Variants in ATG7 observed in about 807,000 individuals in gnomAD.
The protein encoded by ATG7 is ubiquitin-like modifier-activating enzyme ATG7.
ATG7 carries 70 observed loss-of-function variants against 82.4 expected under a neutral mutation model. The ratio of observed to expected loss-of-function variants is 0.85; its 90% confidence interval spans 0.70 to 1.04. ATG7 has a LOEUF of 1.04. Among genes scored for constraint, ATG7 ranks in the 50% least tolerant of loss-of-function variants. The pLI is 0.00. For synonymous variants in ATG7, 287 were observed against 313.0 expected (o/e 0.92, Z 0.88); for missense variants, 792 against 864.3 (o/e 0.92, Z 1.05).
At chr3:11,450,452 A>G (rs1208503041) in intron 20 of ATG7, among the ~76,000 whole-genome samples, 4 of 152,160 alleles carry the variant, frequency 2.6e-5, no homozygotes, top group Non-Finnish European at 4.4e-5. Context: ...AGGTCAGAAA[A>G]TCTTGCCAGT....
At chr3:11,554,633 C>T (rs1013605508) in intron 20 of ATG7, among the ~76,000 whole-genome samples, 178 bp from the exon 21 acceptor site, 4 of 152,176 alleles carry the variant, frequency 2.6e-5, no homozygotes, top group Admixed American at 6.5e-5. Context: ...ACACTAGTGA[C>T]GCCTTGGCAA....
intron 20 of ATG7, among the ~76,000 whole-genome samples, chr3:11,473,289 A>G (rs188435274): frequency 2.0e-4 from 30 of 152,276 alleles, no homozygotes; most frequent in Admixed American, 9.8e-4. Context: ...TCTGACTGCT[A>G]TCACCTACCC....
chr3:11,495,467 T>A (rs2090750692), intron 20 of ATG7, among the ~76,000 whole-genome samples: 1 of 152,018 alleles, frequency 6.6e-6, no homozygotes, highest in African/African-American at 2.4e-5. Context: ...CCCCCAGACA[T>A]CTTGATAATG....
Position 11,475,868 on chromosome 3 carries a change from GACACACACACACAC to G in ATG7, c.2079+48969_2079+48982del, listed in dbSNP as rs3219674. Among the ~76,000 whole-genome samples, 587 of 111,194 alleles carry G rather than the reference GACACACACACACAC, an allele frequency of 5.3e-3. 3 individuals are homozygous for G. The highest frequency in any genetic ancestry group is 0.02 in the African/African-American group (543 of 27,644). 72.9% of individuals were successfully genotyped at this position (111,194 alleles called of 152,430 possible). On this transcript the variant is annotated intron_variant, in intron 20 of 20. Coordinates refer to ENST00000693202, the MANE Select transcript of ATG7 (RefSeq NM_001349232.2). ...TCTATGTCCATCTCTCTGTCTCTGA[GACACACACACACAC>G]ACACACACACACACACACACACACA...
intron 19 of ATG7, among the ~76,000 whole-genome samples, chr3:11,402,175 G>A (rs2079898649): frequency 6.6e-6 from 1 of 152,194 alleles, no homozygotes; most frequent in East Asian, 1.9e-4. Flanking sequence ...GCTCACACCT[G>A]TAATCTCAGC....
intron 19 of ATG7, among the ~76,000 whole-genome samples, chr3:11,400,087 T>C (rs559557241): frequency 1.3e-5 from 2 of 152,346 alleles, no homozygotes; most frequent in South Asian, 4.1e-4. Flanking sequence ...TACACTGTTC[T>C]TTATGCCAGA....
intron 20 of ATG7, among the ~76,000 whole-genome samples, chr3:11,471,823 TCTGCCTCAGGTTCAAGCGATTCTC>T (rs1427580715): frequency 7.2e-6 from 1 of 138,344 alleles, no homozygotes; most frequent in Non-Finnish European, 1.5e-5. Flanking sequence ...CACTGCAACC[TCTGCCTCAGGTTCAAGCGATTCTC>T]CTGCCTCAGC....
At chr3:11,489,930 G>T (rs1378897682) in intron 20 of ATG7, among the ~76,000 whole-genome samples, 1 of 151,798 alleles carries the variant, frequency 6.6e-6, no homozygotes, top group Non-Finnish European at 1.5e-5. Flanking sequence ...GTGTGGTGTG[G>T]TGCTGAAAAA....
intron 19 of ATG7, among the ~76,000 whole-genome samples, chr3:11,384,548 A>G (rs187473103): frequency 1.3e-3 from 199 of 152,342 alleles, no homozygotes; most frequent in Non-Finnish European, 2.6e-3. Context: ...GGTAGGAATA[A>G]TAAATGTCAG....
intron 20 of ATG7, among the ~76,000 whole-genome samples, chr3:11,490,359 G>T (rs2090214835): frequency 6.6e-6 from 1 of 152,152 alleles, no homozygotes; most frequent in South Asian, 2.1e-4. Flanking sequence ...TTGAGCCTAT[G>T]TGTGTCTCTG....
At chr3:11,480,466 T>C (rs991805215) in intron 20 of ATG7, among the ~76,000 whole-genome samples, 5 of 151,962 alleles carry the variant, frequency 3.3e-5, no homozygotes, top group African/African-American at 9.7e-5. Context: ...GAGAGCATTA[T>C]TGGGAGGGGG....
chr3:11,514,883 C>G (rs1032651943), intron 20 of ATG7, among the ~76,000 whole-genome samples: 1 of 150,808 alleles, frequency 6.6e-6, no homozygotes, highest in Non-Finnish European at 1.5e-5. Context: ...CTCTGTCACC[C>G]AGGCTGGAGT....
At chr3:11,558,396 CA>C, downstream of ATG7, 1 of 1,256,806 alleles carries the variant, frequency 8.0e-7, no homozygotes, top group African/African-American at 1.5e-5. Flanking sequence ...CAAGCAAGTA[CA>C]AAAACAGAAC....
intron 19 of ATG7, among the ~76,000 whole-genome samples, chr3:11,389,437 C>CT (rs34261811): frequency 0.48 from 57,277 of 118,760 alleles, 15,129 homozygotes; most frequent in East Asian, 0.65. Flanking sequence ...TTTGTTAGTG[C>CT]TTTTTTTTTT....
In ATG7 at chr3:11,535,851, A is replaced by T. The variant is rs371367627; in HGVS notation, c.2080-18960A>T. On this transcript the variant is annotated intron_variant, in intron 20 of 20. Coordinates refer to ENST00000693202, the MANE Select transcript of ATG7 (RefSeq NM_001349232.2). ...CGCACCCTTGCTTGAATGGTGAAGC[A>T]TATCAGTCCTTTTTAAAGAGTGTCT... Among the ~76,000 whole-genome samples the T allele has an allele frequency of 1.4e-4, 22 of 152,326 alleles. No homozygotes were observed. In the South Asian group the frequency reaches 4.4e-3, roughly 30 times the overall value.
At chr3:11,444,115 T>C (rs950478590) in intron 20 of ATG7, among the ~76,000 whole-genome samples, 1 of 152,204 alleles carries the variant, frequency 6.6e-6, no homozygotes, top group Non-Finnish European at 1.5e-5. Context: ...TTTTGCCCAA[T>C]ATTGTAAAGG....
chr3:11,325,010 A>G (rs1950668085), intron 9 of ATG7, among the ~76,000 whole-genome samples: 1 of 152,234 alleles, frequency 6.6e-6, no homozygotes, highest in Non-Finnish European at 1.5e-5. Context: ...CTATGTGTTT[A>G]GATTTGTTCA....
intron 5 of ATG7, among the ~76,000 whole-genome samples, chr3:11,300,312 C>CT (rs142314909): frequency 0.017 from 2,539 of 152,198 alleles, 76 homozygotes; most frequent in African/African-American, 0.055. Flanking sequence ...ATTTTTCTCT[C>CT]TTTTTTCAGA....
intron 3 of ATG7, among the ~76,000 whole-genome samples, chr3:11,283,262 C>T (rs1326422110): frequency 6.6e-6 from 1 of 152,108 alleles, no homozygotes; most frequent in Non-Finnish European, 1.5e-5. Flanking sequence ...ATGTTTTAGG[C>T]AGAGGAAATT....
Sources: gnomAD v4.1 joint callset for allele counts (sites outside exome capture counted in the v4.1 genomes callset) on GRCh38, gnomAD v4.1.1 for gene constraint, MANE v1.5 for transcripts, NCBI Gene and HGNC (gene_info 2026-07-23, HGNC 2026-07-21) for gene names.